SEC14L2: variants seen among roughly 807,000 people sequenced by gnomAD.
The protein encoded by SEC14L2 is SEC14 like lipid binding 2.
Under a neutral mutation model 56.9 loss-of-function variants are expected in SEC14L2, and 50 were observed. The observed-to-expected ratio is 0.88, with a 90% confidence interval of 0.70 to 1.11. The LOEUF (loss-of-function observed/expected upper bound fraction) is 1.11. SEC14L2 is among the 50% of genes most tolerant of loss of function. The pLI, the probability that SEC14L2 is intolerant of heterozygous loss-of-function variation, is 0.00. For synonymous variants in SEC14L2, 179 were observed against 188.5 expected, an observed-to-expected ratio of 0.95 and a Z score of 0.41; for missense variants, 414 against 500.7, an observed-to-expected ratio of 0.83 and a Z score of 1.65.
chr22:30,410,701 C>G (rs1285960085), intron 8 of SEC14L2, 22 bp downstream of exon 8: 2 of 1,606,508 alleles, frequency 1.2e-6, no homozygotes, highest in Non-Finnish European at 1.7e-6. Flanking sequence ...AGACTGTTCT[C>G]AACTCCAAAG....
intron 1 of SEC14L2, chr22:30,397,455 G>A (rs1933786625): frequency 1.3e-5 from 6 of 451,368 alleles, no homozygotes; most frequent in Non-Finnish European, 2.3e-5. Flanking sequence ...AGGCCGCTGA[G>A]GGCACAAAGG....
At chr22:30,398,805 TCAGA>T (rs763337879) in intron 1 of SEC14L2, 29 of 470,428 alleles carry the variant, frequency 6.2e-5, no homozygotes, top group African/African-American at 5.2e-4. Flanking sequence ...TGCTCTGGAC[TCAGA>T]CAGACCCGGG....
chr22:30,415,921 C>T, intron 9 of SEC14L2, 27 bp from the exon 10 acceptor site: 1 of 1,614,170 alleles, frequency 6.2e-7, no homozygotes, highest in Non-Finnish European at 8.5e-7. Context: ...AATGCACATT[C>T]CAGTTCACTC....
chr22:30,406,525 G>T, intron 3 of SEC14L2, 140 bp downstream of exon 3: 3 of 767,306 alleles, frequency 3.9e-6, no homozygotes, highest in Non-Finnish European at 6.6e-6. Context: ...ATCCCTCTGG[G>T]ACAAATTGCA....
intron 8 of SEC14L2, among the ~76,000 whole-genome samples, chr22:30,411,485 C>G (rs1934244353): frequency 6.6e-6 from 1 of 152,104 alleles, no homozygotes; most frequent in East Asian, 1.9e-4. Flanking sequence ...GTGGCTCATG[C>G]CTGTAATCCC....
Position 30,409,297 on chromosome 22 carries a change from TGGGGAGGAAGGGGACAGAGGGAA to T in SEC14L2, c.519+24_519+46del, listed in dbSNP as rs1427348125. 15 of 1,560,182 alleles carry T rather than the reference TGGGGAGGAAGGGGACAGAGGGAA, an allele frequency of 9.6e-6. No homozygotes were observed. Among genetic ancestry groups the T allele is most frequent in the Non-Finnish European group, 1.3e-5 (15 of 1,143,678 alleles). ...CCTATGGAGAGGTGAGGGGCAGGGG[TGGGGAGGAAGGGGACAGAGGGAA>T]GGGGAGGAGGAGTAGACCCCTCTCC... is the stretch of plus-strand genomic sequence containing the variant. On this transcript the variant is annotated intron_variant, in intron 6 of 11. Transcript: ENST00000615189.
chr22:30,418,378 G>A (rs1934438263), intron 11 of SEC14L2, among the ~76,000 whole-genome samples: 2 of 152,294 alleles, frequency 1.3e-5, no homozygotes, highest in South Asian at 4.1e-4. Flanking sequence ...GTCAGAGAGT[G>A]TGGAATCCCA....
At chr22:30,397,965 AC>A (rs1933806226) in intron 1 of SEC14L2, 5 of 452,196 alleles carry the variant, frequency 1.1e-5, no homozygotes, top group South Asian at 6.4e-5. Context: ...CTTATCTGTC[AC>A]CCCTGGGGAG....
rs1933771532 is a variant in SEC14L2 at position 30,397,112 on chromosome 22, C to T, written c.-5C>T. The T allele has an allele frequency of 1.9e-6, 3 of 1,548,444 alleles. No homozygotes were observed. The highest frequency in any genetic ancestry group is 4.9e-5 in the East Asian group (2 of 40,500). On this transcript the variant is annotated 5_prime_UTR_variant, in exon 1 of 12. Transcript: ENST00000615189. ...CCCAAACCCCATCCCCGCGGTTGAG[C>T]CACGATGAGCGGCAGAGTCGGCGAT... is the stretch of plus-strand genomic sequence containing the variant.
intron 10 of SEC14L2, 39 bp from the exon 11 acceptor site, chr22:30,416,195 C>G (rs1934385882): frequency 6.2e-7 from 1 of 1,609,546 alleles, no homozygotes; most frequent in East Asian, 2.2e-5. Context: ...AGGGCACACA[C>G]AGACAGAATT....
At chr22:30,411,225 C>T (rs1934237304) in intron 8 of SEC14L2, among the ~76,000 whole-genome samples, 1 of 152,020 alleles carries the variant, frequency 6.6e-6, no homozygotes, top group South Asian at 2.1e-4. Context: ...CATGCCACTG[C>T]ACTGCAGCCT....
rs1263045875 is a variant in SEC14L2 at position 30,423,715 on chromosome 22, G to A, written c.*1308G>A. ...CTGAGGGAGCTCAGGGCAAAGGCCA[G>A]GCTAGCGCGGACCGGAAGGGGCCGA... On this transcript the variant is annotated 3_prime_UTR_variant, in exon 12 of 12. Transcript: ENST00000615189. 6.6e-6 allele frequency: 1 copy of A among 152,336 alleles called. No individual in the cohort carries two copies. The highest frequency in any genetic ancestry group is 2.4e-5 in the African/African-American group (1 of 41,484). The allele number at this position is 152,336 out of a possible 1,614,324, so 9.4% of individuals were successfully genotyped here. A position where few individuals can be genotyped will look rare whatever the true frequency, so the allele number is the denominator to read the frequency against.
intron 2 of SEC14L2, among the ~76,000 whole-genome samples, chr22:30,401,262 TG>T (rs1933925520): frequency 6.6e-6 from 1 of 151,382 alleles, no homozygotes; most frequent in South Asian, 2.1e-4. Context: ...CAGGCTGGAG[TG>T]CAATGGTGCA....
chr22:30,409,527 A>G, intron 7 of SEC14L2, 41 bp downstream of exon 7: 1 of 1,582,656 alleles, frequency 6.3e-7, no homozygotes, highest in Non-Finnish European at 8.7e-7. Context: ...GATGGAAAAG[A>G]GGGGTCAAAA....
chr22:30,402,884 GC>G (rs1427450653), intron 2 of SEC14L2, among the ~76,000 whole-genome samples: 1 of 151,562 alleles, frequency 6.6e-6, no homozygotes, highest in African/African-American at 2.4e-5. Flanking sequence ...TTCAAGACCA[GC>G]CTGGGCAATA....
intron 11 of SEC14L2, among the ~76,000 whole-genome samples, chr22:30,419,453 G>A (rs947082226): frequency 6.6e-6 from 1 of 152,150 alleles, no homozygotes; most frequent in African/African-American, 2.4e-5. Flanking sequence ...CTTGGCATGA[G>A]AATTGCTTGA....
intron 11 of SEC14L2, among the ~76,000 whole-genome samples, chr22:30,418,877 C>T (rs1360658196): frequency 6.6e-6 from 1 of 152,234 alleles, no homozygotes; most frequent in African/African-American, 2.4e-5. Flanking sequence ...CTGTGCCAGC[C>T]TCCAATGGCA....
intron 2 of SEC14L2, among the ~76,000 whole-genome samples, chr22:30,403,865 C>T (rs1191743015): frequency 6.6e-6 from 1 of 151,268 alleles, no homozygotes; most frequent in Non-Finnish European, 1.5e-5. Context: ...TAGCCGGGTG[C>T]GGTGGCGGGC....
intron 2 of SEC14L2, among the ~76,000 whole-genome samples, chr22:30,400,622 C>T (rs1464600861): frequency 2.6e-5 from 4 of 152,014 alleles, no homozygotes; most frequent in Non-Finnish European, 5.9e-5. Context: ...TGGCCAGGTG[C>T]GGTGGCTCAC....
Sources: gnomAD v4.1 joint callset for allele counts (sites outside exome capture counted in the v4.1 genomes callset) on GRCh38, gnomAD v4.1.1 for gene constraint, MANE v1.5 for transcripts, NCBI Gene and HGNC (gene_info 2026-07-23, HGNC 2026-07-21) for gene names.